The following USP34 variants were observed in gnomAD, a reference collection of about 807,000 sequenced individuals.
USP34 encodes ubiquitin carboxyl-terminal hydrolase 34.
In USP34, 70 loss-of-function variants were observed where a neutral mutation model predicts 460.3. That is an observed-to-expected ratio of 0.15 (90% confidence interval 0.13 to 0.19). The LOEUF (loss-of-function observed/expected upper bound fraction) is 0.19, where lower values mean the gene tolerates loss of function less well. Among genes scored for constraint, USP34 ranks in the 10% least tolerant of loss-of-function variants. The pLI, the probability that USP34 is intolerant of heterozygous loss-of-function variation, is 1.00. For synonymous variants in USP34, 1,647 were observed against 1,405.3 expected (o/e 1.17, Z -3.85); for missense variants, 3,985 against 4,236.2 (o/e 0.94, Z 1.65).
At chr2:61,237,632 A>G (rs2103848654) in intron 53 of USP34, among the ~76,000 whole-genome samples, 1 of 133,824 alleles carries the variant, frequency 7.5e-6, no homozygotes, top group South Asian at 2.3e-4. Flanking sequence ...CAGCAGCATG[A>G]TCACAGCTCA....
At chr2:61,333,408 T>G (rs1201343838) in intron 19 of USP34, among the ~76,000 whole-genome samples, 2 of 152,104 alleles carry the variant, frequency 1.3e-5, no homozygotes, top group African/African-American at 4.8e-5. Flanking sequence ...TTGAGTGTCC[T>G]ACTGATGCTC....
chr2:61,274,103 AAGC>A (rs1383707961), intron 41 of USP34, among the ~76,000 whole-genome samples: 1 of 151,984 alleles, frequency 6.6e-6, no homozygotes, highest in East Asian at 1.9e-4. Flanking sequence ...CTTCGAAAAT[AAGC>A]AGGCCAGGTG....
At chr2:61,438,756 T>C (rs1319323885) in intron 1 of USP34, among the ~76,000 whole-genome samples, 1 of 152,218 alleles carries the variant, frequency 6.6e-6, no homozygotes, top group East Asian at 1.9e-4. Context: ...CCAGTAACTG[T>C]ACCTGGACAA....
In USP34 at chr2:61,378,363, G is replaced by A. The variant is rs748234719; in HGVS notation, c.1076C>T (p.Thr359Met). The A allele has an allele frequency of 5.1e-6, 8 of 1,581,968 alleles. No homozygotes were observed. The highest frequency in any genetic ancestry group is 6.9e-6 in the Non-Finnish European group (8 of 1,164,760). The change falls in exon 8 of 80, where the codon ACG (threonine) becomes ATG (methionine). Residue 359 changes from threonine to methionine, a missense_variant and splice_region_variant. Physicochemically the swap from Thr to Met is moderately conservative, Grantham distance 81. Transcript: ENST00000398571. ...TATATAAATTAATGCTCCTACTTAC[G>A]TTTCTGTGTCCGATACTAATGATTC... ...NNESLVSDTE[T>M]SIAKELADWL...
Position 61,348,556 on chromosome 2 carries a change from T to C in USP34, c.1675-76A>G, listed in dbSNP as rs541086592. Reference sequence around the variant, plus strand: ...AAAGGTAACCAACATTAATAAACTGTACTTTTTAAAAAGGCTGCCAGTCTT... The same window carrying C: ...AAAGGTAACCAACATTAATAAACTGCACTTTTTAAAAAGGCTGCCAGTCTT... On this transcript the variant is annotated intron_variant, in intron 14 of 79. Coordinates refer to ENST00000398571, the MANE Select transcript of USP34 (RefSeq NM_014709.4). 2.0e-5 allele frequency: 31 copies of C among 1,517,842 alleles called. No individual in the cohort carries two copies. The East Asian group carries it at 6.6e-4, about 32-fold the overall frequency. The allele number at this position is 1,517,842 out of a possible 1,614,324, so 94.0% of individuals were successfully genotyped here.
rs758263406 is a variant in USP34 at position 61,347,875 on chromosome 2, G to A, written c.2280C>T (p.His760=). 8.7e-6 allele frequency: 14 copies of A among 1,612,192 alleles called. No individual in the cohort carries two copies. The South Asian group carries it at 8.8e-5, about 10-fold the overall frequency. The change falls in exon 15 of 80, where the codon CAC becomes CAT. Residue 760 remains histidine, a synonymous_variant. Transcript: ENST00000398571. ...TTATTTTGAAGTAGGCTTACCCATCGTGGTGGTGGTGATGGTGGTGGTGGT... is the reference window on the plus strand; with the variant it reads ...TTATTTTGAAGTAGGCTTACCCATCATGGTGGTGGTGATGGTGGTGGTGGT... ...HHHHHHHHHH[H]DGHMVDDMLS... is the part of the protein sequence containing the mutation.
intron 10 of USP34, 86 bp from the exon 11 acceptor site, chr2:61,350,779 A>C (rs1341093285): frequency 7.0e-7 from 1 of 1,428,524 alleles, no homozygotes; most frequent in Non-Finnish European, 9.3e-7. Context: ...TGAAAGTCAA[A>C]AAGTTGGCCA....
chr2:61,371,515 TACA>T (rs1400282408), intron 8 of USP34, among the ~76,000 whole-genome samples: 1 of 151,426 alleles, frequency 6.6e-6, no homozygotes, highest in Admixed American at 6.6e-5. Flanking sequence ...TGTACAGCCA[TACA>T]ACGTGTTTGT....
At chr2:61,421,662 T>C (rs1694360652) in intron 1 of USP34, among the ~76,000 whole-genome samples, 2 of 152,190 alleles carry the variant, frequency 1.3e-5, no homozygotes, top group Admixed American at 6.5e-5. Flanking sequence ...CTTGCCTGGA[T>C]CACTGTATCA....
At position 61,256,860 on chromosome 2, in the gene USP34, C is replaced by T; in HGVS notation, c.6126+13G>A. On this transcript the variant is annotated intron_variant, in intron 47 of 79. Transcript: ENST00000398571. Reference sequence around the variant, plus strand: ...AAGCATAAAGTAAAAAAATTATGTGCATTATTACTCACATAAATGTTCTTC... The same window carrying T: ...AAGCATAAAGTAAAAAAATTATGTGTATTATTACTCACATAAATGTTCTTC... 1 of 1,546,064 alleles carries T rather than the reference C, an allele frequency of 6.5e-7. No individual in the cohort carries two copies. Among genetic ancestry groups the T allele is most frequent in the East Asian group, 2.3e-5 (1 of 43,104 alleles).
At chr2:61,220,489 G>T in intron 66 of USP34, 32 bp from the exon 67 acceptor site, 2 of 1,553,934 alleles carry the variant, frequency 1.3e-6, no homozygotes, top group Admixed American at 2.0e-5. Context: ...CAGAATATAA[G>T]GCCAACTGAA....
In USP34 at chr2:61,405,873, T is replaced by A. The variant is rs775176057; in HGVS notation, c.387A>T (p.Thr129=). 7 of 1,613,854 alleles carry A rather than the reference T, an allele frequency of 4.3e-6. No individual in the cohort carries two copies. The East Asian group carries it at 1.6e-4, about 36-fold the overall frequency. ...CCTCCTCAGTCAGATTACAAATTCTTGTAGAGTTTGATTTTTTTTCTATTG... is the reference window on the plus strand; with the variant it reads ...CCTCCTCAGTCAGATTACAAATTCTAGTAGAGTTTGATTTTTTTTCTATTG... ...QKSIEKKSNS[T]RICNLTEEES... The change falls in exon 3 of 80, where the codon ACA becomes ACT. Residue 129 remains threonine, a synonymous_variant. Coordinates refer to ENST00000398571, the MANE Select transcript of USP34 (RefSeq NM_014709.4).
intron 5 of USP34, among the ~76,000 whole-genome samples, chr2:61,386,117 T>G (rs527619756): frequency 5.3e-5 from 8 of 150,908 alleles, no homozygotes; most frequent in Non-Finnish European, 7.4e-5. Context: ...ATTAGGCAAA[T>G]AGAATGGTAT....
At chr2:61,203,835 T>G (rs1370334261) in intron 74 of USP34, among the ~76,000 whole-genome samples, 1 of 151,434 alleles carries the variant, frequency 6.6e-6, no homozygotes, top group Admixed American at 6.6e-5. Flanking sequence ...GGAACCAGAC[T>G]AAAAATGATG....
intron 21 of USP34, among the ~76,000 whole-genome samples, chr2:61,325,084 G>C (rs1016744443): frequency 3.3e-5 from 5 of 151,930 alleles, no homozygotes; most frequent in Non-Finnish European, 7.4e-5. Context: ...ACAGACACTG[G>C]AGTCTCCAAA....
In USP34 at chr2:61,294,952, G is replaced by C; in HGVS notation, c.4458C>G (p.Cys1486Trp). 6.2e-7 allele frequency: 1 copy of C among 1,609,944 alleles called. No individual in the cohort carries two copies. Among genetic ancestry groups the C allele is most frequent in the Non-Finnish European group, 8.5e-7 (1 of 1,178,028 alleles). Residue 1486 changes from cysteine (C) to tryptophan (W), a missense_variant, in exon 32 of 80, where the codon TGC becomes TGG. Transcript: ENST00000398571. ...TGAAAAACACATATGATCAAACCTT[G>C]CAACTCCAGGAATTTTTACTATTTT... ...QVENSKNSWS[C>W]KFVAAGGLQQ...
intron 8 of USP34, among the ~76,000 whole-genome samples, chr2:61,375,817 T>C: frequency 7.4e-6 from 1 of 136,052 alleles, no homozygotes; most frequent in East Asian, 2.3e-4. Context: ...CAAATATCCA[T>C]CAACTGGTAC....
intron 65 of USP34, chr2:61,221,905 C>A: frequency 4.5e-6 from 1 of 224,106 alleles, no homozygotes; most frequent in Non-Finnish European, 8.7e-6. Context: ...CGATGTACAA[C>A]GTTTTGAAAT....
chr2:61,375,768 CAAAAAAAAAAAA>C (rs56304309), intron 8 of USP34, among the ~76,000 whole-genome samples: 7 of 80,882 alleles, frequency 8.7e-5, no homozygotes, highest in East Asian at 4.1e-4. Context: ...GACTCTGTCT[CAAAAAAAAAAAA>C]AAAAAAAAAA....
Sources: gnomAD v4.1 joint callset for allele counts (sites outside exome capture counted in the v4.1 genomes callset) on GRCh38, gnomAD v4.1.1 for gene constraint, MANE v1.5 for transcripts, NCBI Gene and HGNC (gene_info 2026-07-23, HGNC 2026-07-21) for gene names.